The following IPMK variants were observed in gnomAD, a reference collection of about 807,000 sequenced individuals.
IPMK encodes inositol 1,3,4,6-tetrakisphosphate 5-kinase.
A neutral mutation model predicts 45.8 loss-of-function variants in IPMK; 17 were observed. The ratio of observed to expected loss-of-function variants is 0.37; its 90% confidence interval spans 0.25 to 0.56. The LOEUF is 0.56. Ranked by LOEUF, IPMK falls within the 20% of genes least tolerant of loss-of-function variation. IPMK has a pLI of 0.79. For missense variants in IPMK, 399 were observed against 498.0 expected, an observed-to-expected ratio of 0.80 and a Z score of 1.89; for synonymous variants, 180 against 184.3, an observed-to-expected ratio of 0.98 and a Z score of 0.19.
rs1008865139 is a variant in IPMK at position 58,192,537 on chromosome 10, A to G, written c.*3539T>C. 2 of 152,016 alleles carry G rather than the reference A, an allele frequency of 1.3e-5. No homozygotes were observed. The highest frequency in any genetic ancestry group is 4.8e-5 in the African/African-American group (2 of 41,438). The allele number at this position is 152,016 out of a possible 1,614,324, so 9.4% of individuals were successfully genotyped here. A position where few individuals can be genotyped will look rare whatever the true frequency, so the allele number is the denominator to read the frequency against. ...GCTTCATTTCAACCCCACACTTATTATCTTATTTAGATGCCTATTTTTCTA... is the reference window on the plus strand; with the variant it reads ...GCTTCATTTCAACCCCACACTTATTGTCTTATTTAGATGCCTATTTTTCTA... On this transcript the variant is annotated 3_prime_UTR_variant, in exon 6 of 6. Transcript: ENST00000373935.
intron 2 of IPMK, among the ~76,000 whole-genome samples, chr10:58,236,148 C>T (rs1838609620): frequency 6.6e-6 from 1 of 151,420 alleles, no homozygotes. Flanking sequence ...CCAGGCTGAT[C>T]TTGAACTCCT....
At chr10:58,216,349 A>AT in intron 3 of IPMK, 32 bp from the exon 4 acceptor site, 23 of 1,104,534 alleles carry the variant, frequency 2.1e-5, no homozygotes, top group East Asian at 2.9e-5. Flanking sequence ...AATTAGTAAT[A>AT]GGCAAACATA....
intron 2 of IPMK, among the ~76,000 whole-genome samples, chr10:58,237,383 T>C (rs1838629324): frequency 6.6e-6 from 1 of 152,200 alleles, no homozygotes; most frequent in Admixed American, 6.5e-5. Context: ...CAGGTTGCCA[T>C]AAGCTCTAAC....
chr10:58,231,700 C>T (rs575437671), intron 2 of IPMK, among the ~76,000 whole-genome samples: 1 of 152,298 alleles, frequency 6.6e-6, no homozygotes, highest in African/African-American at 2.4e-5. Context: ...AAAGAAACAA[C>T]CAGTACCAGC....
At chr10:58,221,604 G>A (rs966163371) in intron 3 of IPMK, among the ~76,000 whole-genome samples, 1 of 152,126 alleles carries the variant, frequency 6.6e-6, no homozygotes, top group Middle Eastern at 3.2e-3. Flanking sequence ...TGTCACCCAG[G>A]ATGGAGTATA....
intron 4 of IPMK, among the ~76,000 whole-genome samples, chr10:58,214,532 T>C (rs2440846): frequency 0.34 from 51,452 of 152,030 alleles, 10,943 homozygotes; most frequent in African/African-American, 0.61. Context: ...TTTCTATACA[T>C]TCATATTTAA....
chr10:58,257,845 CAT>C (rs1354825120), intron 1 of IPMK, among the ~76,000 whole-genome samples: 1 of 152,044 alleles, frequency 6.6e-6, no homozygotes, highest in Non-Finnish European at 1.5e-5. Flanking sequence ...CAAAGAGAGA[CAT>C]ATCATAACAA....
At position 58,267,411 on chromosome 10, in the gene IPMK, C is replaced by G. The variant is rs372070649; in HGVS notation, c.190+11G>C. The G allele has an allele frequency of 1.2e-6, 2 of 1,613,126 alleles. No homozygotes were observed. ...AAGGGGAGCGGCGAGACCTATGCCA[C>G]CCCCACTTACCCACTTTGTCCTTCC... On this transcript the variant is annotated intron_variant, in intron 1 of 5. Coordinates refer to ENST00000373935, the MANE Select transcript of IPMK (RefSeq NM_152230.5).
At position 58,191,718 on chromosome 10, in the gene IPMK, A is replaced by G. The variant is rs1388777710; in HGVS notation, c.*4358T>C. On this transcript the variant is annotated 3_prime_UTR_variant, in exon 6 of 6. Transcript: ENST00000373935. ...ACACATTTAAAAAAAAACCCTAAAG[A>G]CATTTATACATTTAAACCAAAGTAA... 6.6e-6 allele frequency: 1 copy of G among 152,058 alleles called. No homozygotes were observed. The highest frequency in any genetic ancestry group is 1.5e-5 in the Non-Finnish European group (1 of 67,932). 9.4% of individuals were successfully genotyped at this position (152,058 alleles called of 1,614,324 possible).
chr10:58,227,148 G>C lies in IPMK; in HGVS notation c.277-9C>G, dbSNP rs1365067836. ...CAGTCAGCAGCATAAACCTGAAACA[G>C]AGAAATATAACATTGCTAGATTCTT... is the stretch of plus-strand genomic sequence containing the variant. On this transcript the variant is annotated splice_polypyrimidine_tract_variant and intron_variant, in intron 2 of 5. Transcript: ENST00000373935. The C allele has an allele frequency of 3.1e-6, 5 of 1,590,680 alleles. No individual in the cohort carries two copies. Among genetic ancestry groups the C allele is most frequent in the African/African-American group, 1.3e-5 (1 of 74,488 alleles).
intron 2 of IPMK, among the ~76,000 whole-genome samples, chr10:58,229,562 C>CAAAAAAAAAAAA: frequency 1.4e-5 from 1 of 72,954 alleles, no homozygotes; most frequent in Non-Finnish European, 2.5e-5. Flanking sequence ...GACCACGTCT[C>CAAAAAAAAAAAA]AAAAAAAAAA....
intron 1 of IPMK, among the ~76,000 whole-genome samples, chr10:58,259,570 C>T (rs908299490): frequency 1.3e-5 from 2 of 151,514 alleles, no homozygotes; most frequent in South Asian, 2.1e-4. Flanking sequence ...GAATGGCTCA[C>T]GCCTATAATG....
intron 2 of IPMK, among the ~76,000 whole-genome samples, chr10:58,230,879 C>T (rs568525892): frequency 7.9e-5 from 12 of 152,180 alleles, no homozygotes; most frequent in Non-Finnish European, 1.0e-4. Flanking sequence ...CAAACTTCTC[C>T]GAGCTAAAGG....
At chr10:58,199,417 G>A (rs1231950487) in intron 4 of IPMK, 96 bp from the exon 5 acceptor site, 3 of 648,288 alleles carry the variant, frequency 4.6e-6, no homozygotes, top group African/African-American at 3.8e-5. Flanking sequence ...AATCTACTCA[G>A]GTAATTCATT....
intron 3 of IPMK, among the ~76,000 whole-genome samples, chr10:58,225,183 G>A (rs1838394361): frequency 6.6e-6 from 1 of 152,020 alleles, no homozygotes; most frequent in Non-Finnish European, 1.5e-5. Context: ...CATCTTAGGA[G>A]CACCAATATC....
At chr10:58,246,224 C>A (rs920646248) in intron 1 of IPMK, among the ~76,000 whole-genome samples, 1 of 149,260 alleles carries the variant, frequency 6.7e-6, no homozygotes, top group African/African-American at 2.5e-5. Flanking sequence ...AATGGCCATA[C>A]TGCCCAAGGT....
At chr10:58,236,510 T>C (rs940949868) in intron 2 of IPMK, among the ~76,000 whole-genome samples, 4 of 152,200 alleles carry the variant, frequency 2.6e-5, no homozygotes, top group Non-Finnish European at 5.9e-5. Flanking sequence ...TATTTTACCA[T>C]ATTAACAGAT....
chr10:58,238,182 C>A (rs1406065399), intron 1 of IPMK, among the ~76,000 whole-genome samples: 1 of 152,198 alleles, frequency 6.6e-6, no homozygotes, highest in Non-Finnish European at 1.5e-5. Context: ...CACGAATTGA[C>A]CCCACTTTTA....
intron 1 of IPMK, among the ~76,000 whole-genome samples, chr10:58,244,260 G>A (rs1366619983): frequency 2.1e-5 from 3 of 144,976 alleles, no homozygotes; most frequent in African/African-American, 5.2e-5. Flanking sequence ...TCTGGGAGGT[G>A]GGGAGCGCGT....
Sources: gnomAD v4.1 joint callset for allele counts (sites outside exome capture counted in the v4.1 genomes callset) on GRCh38, gnomAD v4.1.1 for gene constraint, MANE v1.5 for transcripts, NCBI Gene and HGNC (gene_info 2026-07-23, HGNC 2026-07-21) for gene names.